The following HDAC5 variants were observed in gnomAD, a reference collection of about 807,000 sequenced individuals.
HDAC5 encodes histone deacetylase 5.
Under a neutral mutation model 133.3 loss-of-function variants are expected in HDAC5, and 25 were observed. The observed-to-expected ratio is 0.19, with a 90% confidence interval of 0.14 to 0.26. The LOEUF is 0.26. Ranked by LOEUF, HDAC5 falls within the 10% of genes least tolerant of loss-of-function variation. The pLI is 1.00. For missense variants in HDAC5, 1,041 were observed against 1,460.5 expected, an observed-to-expected ratio of 0.71 and a Z score of 4.68; for synonymous variants, 589 against 610.8, an observed-to-expected ratio of 0.96 and a Z score of 0.53.
intron 3 of HDAC5, among the ~76,000 whole-genome samples, chr17:44,096,683 C>T (rs765947223): frequency 1.3e-5 from 2 of 151,796 alleles, no homozygotes; most frequent in Admixed American, 6.6e-5. Flanking sequence ...ACCATGTTGG[C>T]CAGGCTGGTC....
chr17:44,093,396 C>A lies in HDAC5; in HGVS notation c.444G>T (p.Glu148Asp), dbSNP rs758085538. Residue 148 changes from glutamate to aspartate, a missense_variant, in exon 5 of 27, where the codon GAG (glutamate) becomes GAT (aspartate). By Grantham distance (45) the Glu-to-Asp change is conservative. Coordinates refer to ENST00000682912, the MANE Select transcript of HDAC5 (RefSeq NM_005474.5). ...TCTCCAGCTCTTCCTGCCGCTGCTG[C>A]TCCCGCTGCCGCTGCTGCTCCAGCT... is the stretch of plus-strand genomic sequence containing the variant. ...QQELEQQRQR[E>D]QQRQEELEKQ... is the part of the protein sequence containing the mutation. The A allele has an allele frequency of 2.1e-5, 34 of 1,591,476 alleles. No individual in the cohort carries two copies. The South Asian group carries it at 3.8e-4, about 18-fold the overall frequency.
chr17:44,103,494 C>G (rs1380565095), intron 3 of HDAC5, among the ~76,000 whole-genome samples: 1 of 152,154 alleles, frequency 6.6e-6, no homozygotes, highest in Non-Finnish European at 1.5e-5. Context: ...CCACCCTGCG[C>G]TCCATGCAGG....
chr17:44,117,076 T>C lies in HDAC5; in HGVS notation c.22+418A>G, dbSNP rs1334140129. On this transcript the variant is annotated intron_variant, in intron 2 of 26. Coordinates refer to ENST00000682912, the MANE Select transcript of HDAC5 (RefSeq NM_005474.5). The surrounding 1 kb of genome is among the most constrained non-coding windows in gnomAD (Gnocchi z 4.2). The stretch of plus-strand genomic sequence containing the variant: ...AAAGTATGGAACACAAACATTCCAC[T>C]AAGTAAAGAAGCCACCATCACGAAA... Among the ~76,000 whole-genome samples, 1 of 152,224 alleles carries C rather than the reference T, an allele frequency of 6.6e-6. No individual in the cohort carries two copies. The highest frequency in any genetic ancestry group is 1.9e-4 in the East Asian group (1 of 5,192).
chr17:44,087,613 C>G lies in HDAC5; in HGVS notation c.1683G>C (p.Glu561Asp), dbSNP rs1030435359. 4 of 1,613,880 alleles carry G rather than the reference C, an allele frequency of 2.5e-6. No homozygotes were observed. The African/African-American group carries it at 5.3e-5, about 22-fold the overall frequency. Reference protein sequence around the residue: ...ETEEELTEQQEVLLGEGALTM... With the variant: ...ETEEELTEQQDVLLGEGALTM... The stretch of plus-strand genomic sequence containing the variant: ...TCAGGGCTCCCTCCCCCAGCAAGAC[C>G]TCCTGCTGCTCCGTCAGCTCCTCCT... The change falls in exon 13 of 27, where the codon GAG (glutamate) becomes GAC (aspartate). Residue 561 changes from glutamate (E) to aspartate (D), a missense_variant. This residue lies in a region of HDAC5 where 433 missense variants were observed against 531.6 expected (regional missense o/e 0.81). Coordinates refer to ENST00000682912, the MANE Select transcript of HDAC5 (RefSeq NM_005474.5).
rs929005785 is a variant in HDAC5, at chr17:44,094,552, G to A, written c.95-718C>T. 1.9e-4 allele frequency among the ~76,000 whole-genome samples: 28 copies of A among 151,132 alleles called. 1 individual carries two copies. The highest frequency in any genetic ancestry group is 4.4e-4 in the African/African-American group (18 of 41,082). On this transcript the variant is annotated intron_variant, in intron 3 of 26. Transcript: ENST00000682912. Reference sequence around the variant, plus strand: ...CTCAGGAGGCTGAGGCAGGAGAATCGCTTGAACCCTGGAGGTGGAGGTTGC... The same window carrying A: ...CTCAGGAGGCTGAGGCAGGAGAATCACTTGAACCCTGGAGGTGGAGGTTGC...
rs1286762300 is a variant in HDAC5 at position 44,117,462 on chromosome 17, A to T, written c.22+32T>A. ...AGCCCATTGCATCCGAAGCTACCCC[A>T]GGGTGCTCTTCTCCAACCTCCCAGC... On this transcript the variant is annotated intron_variant, in intron 2 of 26. Transcript: ENST00000682912. This position sits in a 1 kb window ranked among gnomAD's most constrained non-coding sequence, Gnocchi z 4.2. The T allele has an allele frequency of 1.9e-6, 3 of 1,613,408 alleles. No homozygotes were observed. In the African/African-American group the frequency reaches 4.0e-5, roughly 22 times the overall value.
rs1161579081 is a variant in HDAC5, at chr17:44,077,068, T to TA, written c.*1307dup. 2 of 152,754 alleles carry TA rather than the reference T, an allele frequency of 1.3e-5. No homozygotes were observed. Among genetic ancestry groups the TA allele is most frequent in the Non-Finnish European group, 2.9e-5 (2 of 68,206 alleles). 9.5% of individuals were successfully genotyped at this position (152,754 alleles called of 1,614,324 possible). Reference sequence around the variant, plus strand: ...CAATCCTGCTCAGGCCCCCATAGGATAATAAATATGTAAACAGATTGGTGG... The same window carrying TA: ...CAATCCTGCTCAGGCCCCCATAGGATAAATAAATATGTAAACAGATTGGTGG... On this transcript the variant is annotated 3_prime_UTR_variant, in exon 27 of 27. Coordinates refer to ENST00000682912, the MANE Select transcript of HDAC5 (RefSeq NM_005474.5).
intron 1 of HDAC5, chr17:44,120,661 G>A (rs772428046): frequency 5.3e-5 from 8 of 151,392 alleles, no homozygotes; most frequent in Non-Finnish European, 8.8e-5. Context: ...AGAATCACTC[G>A]AACCCTGGAG....
chr17:44,095,861 G>C (rs563620434), intron 3 of HDAC5, among the ~76,000 whole-genome samples: 1 of 152,210 alleles, frequency 6.6e-6, no homozygotes, highest in Non-Finnish European at 1.5e-5. Flanking sequence ...ACGGAGAACC[G>C]GCTGGGGAGA....
At chr17:44,096,474 T>TG (rs2051279725) in intron 3 of HDAC5, among the ~76,000 whole-genome samples, 1 of 150,730 alleles carries the variant, frequency 6.6e-6, no homozygotes, top group Admixed American at 6.6e-5. Context: ...GGTTTTTTTT[T>TG]GTTTTTTTTT....
chr17:44,088,595 G>C lies in HDAC5; in HGVS notation c.1391C>G (p.Pro464Arg). 3.7e-6 allele frequency: 6 copies of C among 1,611,296 alleles called. No homozygotes were observed. Among genetic ancestry groups the C allele is most frequent in the Non-Finnish European group, 5.1e-6 (6 of 1,178,414 alleles). The change falls in exon 12 of 27, where the codon CCA becomes CGA. Residue 464 changes from proline to arginine, a missense_variant. This residue lies in a region of HDAC5 where 433 missense variants were observed against 531.6 expected (regional missense o/e 0.81). Coordinates refer to ENST00000682912, the MANE Select transcript of HDAC5 (RefSeq NM_005474.5). ...CACTAGTGGGGACTGCCCGTGGAGT[G>C]GCACTACGGAGTTGGGGGTGATGAC... ...ARQQSTLIAV[P>R]LHGQSPLVTG...
intron 14 of HDAC5, 164 bp from the exon 15 acceptor site, chr17:44,085,319 T>C: frequency 2.1e-6 from 1 of 477,292 alleles, no homozygotes; most frequent in African/African-American, 2.1e-5. Flanking sequence ...CCCCCTCTCC[T>C]CTCCAGCTTT....
intron 1 of HDAC5, among the ~76,000 whole-genome samples, chr17:44,119,085 G>A (rs2143656853): frequency 6.6e-6 from 1 of 152,316 alleles, no homozygotes; most frequent in Non-Finnish European, 1.5e-5. Flanking sequence ...CACTCAGATT[G>A]GGGGGCAGAG....
At chr17:44,100,133 C>A (rs1025400129) in intron 3 of HDAC5, among the ~76,000 whole-genome samples, 1 of 152,150 alleles carries the variant, frequency 6.6e-6, no homozygotes, top group Non-Finnish European at 1.5e-5. Context: ...CCATGAGGCA[C>A]AGGTTTTAGC....
At position 44,121,411 on chromosome 17, in the gene HDAC5, C is replaced by T. The variant is rs182179561; in HGVS notation, c.-190+2093G>A. On this transcript the variant is annotated intron_variant, in intron 1 of 26. Coordinates refer to ENST00000682912, the MANE Select transcript of HDAC5 (RefSeq NM_005474.5). Reference sequence around the variant, plus strand: ...ACAGTGCTCCAAAAATGCCAAGAACCACCCCCCCTTGCTGTCTCCCCCTTC... The same window carrying T: ...ACAGTGCTCCAAAAATGCCAAGAACTACCCCCCCTTGCTGTCTCCCCCTTC... Among the ~76,000 whole-genome samples the T allele has an allele frequency of 1.8e-3, 264 of 150,228 alleles. 1 individual carries two copies. The highest frequency in any genetic ancestry group is 5.9e-3 in the African/African-American group (242 of 40,708).
intron 11 of HDAC5, among the ~76,000 whole-genome samples, chr17:44,088,809 CCACCT>C (rs1191410907): frequency 6.6e-6 from 1 of 152,136 alleles, no homozygotes; most frequent in Non-Finnish European, 1.5e-5. Context: ...CTCTAAGGTA[CCACCT>C]CCAGCAAGCC....
At chr17:44,121,953 G>A (rs565931929) in intron 1 of HDAC5, among the ~76,000 whole-genome samples, 46 of 152,218 alleles carry the variant, frequency 3.0e-4, no homozygotes, top group African/African-American at 1.1e-3. Context: ...CTCTAACTCA[G>A]AGAGACCCCT....
chr17:44,113,963 G>C (rs1455628206), intron 2 of HDAC5, among the ~76,000 whole-genome samples: 1 of 152,162 alleles, frequency 6.6e-6, no homozygotes, highest in Non-Finnish European at 1.5e-5. Context: ...CCTGCCCTTC[G>C]AGCCCAGTCA....
chr17:44,120,514 G>A (rs2052919922), intron 1 of HDAC5: 1 of 152,208 alleles, frequency 6.6e-6, no homozygotes, highest in Non-Finnish European at 1.5e-5. Flanking sequence ...GCCAAGGCAG[G>A]CGGATCACCT....
Sources: gnomAD v4.1 joint callset for allele counts (sites outside exome capture counted in the v4.1 genomes callset) on GRCh38, gnomAD v4.1.1 for gene constraint, gnomAD v4.1.1 regional missense constraint, Gnocchi (gnomAD v3.1) non-coding constraint, MANE v1.5 for transcripts, NCBI Gene and HGNC (gene_info 2026-07-23, HGNC 2026-07-21) for gene names.